The following KRTAP5-4 variants were observed in gnomAD, a reference collection of about 807,000 sequenced individuals.
The protein encoded by KRTAP5-4 is keratin-associated protein 5-4.
KRTAP5-4 carries 1 observed loss-of-function variant against 2.6 expected under a neutral mutation model. The ratio of observed to expected loss-of-function variants is 0.39; its 90% CI spans 0.14 to 1.85. The LOEUF (loss-of-function observed/expected upper bound fraction) is 1.85, where lower values mean the gene tolerates loss of function less well. KRTAP5-4 is among the 40% of genes most tolerant of loss of function. The pLI is 0.32. For synonymous variants in KRTAP5-4, 83 were observed against 113.1 expected (o/e 0.73, Z 1.69); for missense variants, 195 against 276.9 (o/e 0.70, Z 2.10).
rs754609586 is a variant in KRTAP5-4 at position 1,621,431 on chromosome 11, A to G, written c.663T>C (p.Pro221=). The G allele has an allele frequency of 2.4e-5, 39 of 1,614,094 alleles. No individual in the cohort carries two copies. Among genetic ancestry groups the G allele is most frequent in the African/African-American group, 4.0e-5 (3 of 74,932 alleles). ...PCCSQSSCCV[P]VCCQCKI ...CTCAGATCTTACACTGGCAGCACACAGGGACACAGCAACTAGACTGGGAGC... is the reference window on the plus strand; with the variant it reads ...CTCAGATCTTACACTGGCAGCACACGGGGACACAGCAACTAGACTGGGAGC... The change falls in exon 1 of 1, where the codon CCT becomes CCC. Residue 221 remains proline, a synonymous_variant. Coordinates refer to ENST00000399682, the MANE Select transcript of KRTAP5-4 (RefSeq NM_001347674.1).
At position 1,621,511 on chromosome 11, in the gene KRTAP5-4, A is replaced by T; in HGVS notation, c.583T>A (p.Ser195Thr). Residue 195 changes from serine to threonine, a missense_variant, in exon 1 of 1, where the codon TCC (serine) becomes ACC (threonine). By Grantham distance (58) the Ser-to-Thr change is moderately conservative. Transcript: ENST00000399682. ...CQSSCCKPCC[S>T]SSGCGSSCCQ... is the part of the protein sequence containing the mutation. ...CAGGATGACCCACAACCTGAGGAGG[A>T]GCAGCAGGGCTTACAGCAGCTGGAC... 1 of 1,613,506 alleles carries T rather than the reference A, an allele frequency of 6.2e-7. No individual in the cohort carries two copies. The highest frequency in any genetic ancestry group is 1.1e-5 in the South Asian group (1 of 90,914).
Position 1,621,342 on chromosome 11 carries a change from A to T in KRTAP5-4, c.*65T>A. 6.3e-7 allele frequency: 1 copy of T among 1,599,474 alleles called. No individual in the cohort carries two copies. Among genetic ancestry groups the T allele is most frequent in the Non-Finnish European group, 8.5e-7 (1 of 1,171,110 alleles). On this transcript the variant is annotated 3_prime_UTR_variant, in exon 1 of 1. Coordinates refer to ENST00000399682, the MANE Select transcript of KRTAP5-4 (RefSeq NM_001347674.1). ...AGCAATGATTTGGGGCTCAACAATG[A>T]AGGACAGGTCACAGCTTTGGAAGAC...
In KRTAP5-4 at chr11:1,621,732, C is replaced by T. The variant is rs1849604264; in HGVS notation, c.362G>A (p.Cys121Tyr). 3.1e-6 allele frequency: 5 copies of T among 1,605,444 alleles called. No individual in the cohort carries two copies. Among genetic ancestry groups the T allele is most frequent in the Non-Finnish European group, 2.6e-6 (3 of 1,176,106 alleles). ...TCCTTTGGAGCCCCCACAGGAGCCA[C>T]AGCCCCCCTTGGAACCCCCACAGGA... ...CGSCGGSKGG[C>Y]GSCGGSKGGC... The change falls in exon 1 of 1, where the codon TGT becomes TAT. Residue 121 changes from cysteine (C) to tyrosine (Y), a missense_variant. Physicochemically the swap from Cys to Tyr is radical, Grantham distance 194. Transcript: ENST00000399682.
rs1259813731 is a variant in KRTAP5-4, at chr11:1,621,723, C to T, written c.371G>A (p.Cys124Tyr). The change falls in exon 1 of 1, where the codon TGT (cysteine) becomes TAT (tyrosine). Residue 124 changes from cysteine (C) to tyrosine (Y), a missense_variant. Coordinates refer to ENST00000399682, the MANE Select transcript of KRTAP5-4 (RefSeq NM_001347674.1). ...CGGSKGGCGS[C>Y]GGSKGGCGSC... ...GCCACAGCCTCCTTTGGAGCCCCCA[C>T]AGGAGCCACAGCCCCCCTTGGAACC... is the stretch of plus-strand genomic sequence containing the variant. The T allele has an allele frequency of 2.5e-6, 4 of 1,606,426 alleles. No individual in the cohort carries two copies. The highest frequency in any genetic ancestry group is 2.3e-5 in the East Asian group (1 of 44,442).
At position 1,621,375 on chromosome 11, in the gene KRTAP5-4, G is replaced by T; in HGVS notation, c.*32C>A. The T allele has an allele frequency of 6.2e-7, 1 of 1,612,482 alleles. No individual in the cohort carries two copies. Among genetic ancestry groups the T allele is most frequent in the South Asian group, 1.1e-5 (1 of 90,948 alleles). On this transcript the variant is annotated 3_prime_UTR_variant, in exon 1 of 1. Transcript: ENST00000399682. ...GTCACAGCTTTGGAAGACAGGATTA[G>T]CAGGACTCACATGAGGCCTGAGTCC...
Position 1,621,188 on chromosome 11 carries a change from T to A in KRTAP5-4, c.*219A>T. ...GCGAGGCTAGTGGGTGAGGGGTGAT[T>A]CAGCTGCAATTGCAGTTGACTTGGG... On this transcript the variant is annotated 3_prime_UTR_variant, in exon 1 of 1. Transcript: ENST00000399682. 1 of 941,442 alleles carries A rather than the reference T, an allele frequency of 1.1e-6. No homozygotes were observed. Among genetic ancestry groups the A allele is most frequent in the Non-Finnish European group, 1.6e-6 (1 of 640,504 alleles). 58.3% of individuals were successfully genotyped at this position (941,442 alleles called of 1,614,324 possible).
rs764031266 is a variant in KRTAP5-4 at position 1,621,379 on chromosome 11, G to A, written c.*28C>T. 3 of 1,613,090 alleles carry A rather than the reference G, an allele frequency of 1.9e-6. No individual in the cohort carries two copies. The highest frequency in any genetic ancestry group is 1.7e-6 in the Non-Finnish European group (2 of 1,179,238). ...CAGCTTTGGAAGACAGGATTAGCAG[G>A]ACTCACATGAGGCCTGAGTCCAGAG... On this transcript the variant is annotated 3_prime_UTR_variant, in exon 1 of 1. Transcript: ENST00000399682.
Position 1,621,852 on chromosome 11 carries a change from T to A in KRTAP5-4, c.242A>T (p.Tyr81Phe), listed in dbSNP as rs1686789. The A allele has an allele frequency of 9.9e-6, 5 of 503,406 alleles. No individual in the cohort carries two copies. The highest frequency in any genetic ancestry group is 1.4e-5 in the Non-Finnish European group (5 of 365,782). 31.2% of individuals were successfully genotyped at this position (503,406 alleles called of 1,614,324 possible). Reference sequence around the variant, plus strand: ...CCCCTTGGAACCCCCACAAGAGCCATAGCCCCCCTTGGAGCCCCCACAGGA... The same window carrying A: ...CCCCTTGGAACCCCCACAAGAGCCAAAGCCCCCCTTGGAGCCCCCACAGGA... ...CGSCGGSKGG[Y>F]GSCGGSKGGC... Residue 81 changes from tyrosine to phenylalanine, a missense_variant, in exon 1 of 1, where the codon TAT becomes TTT. Coordinates refer to ENST00000399682, the MANE Select transcript of KRTAP5-4 (RefSeq NM_001347674.1).
At position 1,622,008 on chromosome 11, in the gene KRTAP5-4, C is replaced by G; in HGVS notation, c.86G>C (p.Gly29Ala). ...SGCGGCGSGC[G>A]GCGSGCGGCG... ...GCCCCCACAGCCGGAGCCACAGCCCCCACAGCCAGAGCCACAGCCCCCACA... is the reference window on the plus strand; with the variant it reads ...GCCCCCACAGCCGGAGCCACAGCCCGCACAGCCAGAGCCACAGCCCCCACA... Residue 29 changes from glycine (G) to alanine (A), a missense_variant, in exon 1 of 1, where the codon GGG (glycine) becomes GCG (alanine). Physicochemically the swap from Gly to Ala is moderately conservative, Grantham distance 60 (BLOSUM62 0). Transcript: ENST00000399682. 1 of 1,338,398 alleles carries G rather than the reference C, an allele frequency of 7.5e-7. No homozygotes were observed. The highest frequency in any genetic ancestry group is 1.0e-6 in the Non-Finnish European group (1 of 979,836). The allele number at this position is 1,338,398 out of a possible 1,614,324, so 82.9% of individuals were successfully genotyped here.
rs1192771449 is a variant in KRTAP5-4 at position 1,621,302 on chromosome 11, A to G, written c.*105T>C. On this transcript the variant is annotated 3_prime_UTR_variant, in exon 1 of 1. Transcript: ENST00000399682. Reference sequence around the variant, plus strand: ...GCCAGATATGGCATCGTTCTACAGCAGGGAATGGACCCTGAGCAATGATTT... The same window carrying G: ...GCCAGATATGGCATCGTTCTACAGCGGGGAATGGACCCTGAGCAATGATTT... 6.4e-7 allele frequency: 1 copy of G among 1,567,762 alleles called. No individual in the cohort carries two copies. The highest frequency in any genetic ancestry group is 1.4e-5 in the African/African-American group (1 of 74,022).
Position 1,621,089 on chromosome 11 carries a change from C to T in KRTAP5-4, c.*318G>A, listed in dbSNP as rs1564960384. 5 of 421,082 alleles carry T rather than the reference C, an allele frequency of 1.2e-5. No homozygotes were observed. Among genetic ancestry groups the T allele is most frequent in the African/African-American group, 1.0e-4 (5 of 49,652 alleles). 26.1% of individuals were successfully genotyped at this position (421,082 alleles called of 1,614,324 possible). A position where few individuals can be genotyped will look rare whatever the true frequency, so the allele number is the denominator to read the frequency against. On this transcript the variant is annotated 3_prime_UTR_variant, in exon 1 of 1. Coordinates refer to ENST00000399682, the MANE Select transcript of KRTAP5-4 (RefSeq NM_001347674.1). ...CTTGTTGCAGGTGGGACGCTTATGC[C>T]CAGCTGCTCCAGCTGGAAAAGACAG...
At position 1,621,475 on chromosome 11, in the gene KRTAP5-4, T is replaced by A; in HGVS notation, c.619A>T (p.Ser207Cys). Residue 207 changes from serine to cysteine, a missense_variant, in exon 1 of 1, where the codon AGT (serine) becomes TGT (cysteine). Coordinates refer to ENST00000399682, the MANE Select transcript of KRTAP5-4 (RefSeq NM_001347674.1). ...SGCGSSCCQSSCCNPCCSQSS... is the reference protein window; with the variant it reads ...SGCGSSCCQSCCCNPCCSQSS... ...TGGGAGCAGCAGGGATTGCAGCAAC[T>A]GGACTGGCAGCAGGATGACCCACAA... is the stretch of plus-strand genomic sequence containing the variant. 2 of 1,613,674 alleles carry A rather than the reference T, an allele frequency of 1.2e-6. No homozygotes were observed. Among genetic ancestry groups the A allele is most frequent in the East Asian group, 2.2e-5 (1 of 44,850 alleles).
At position 1,622,062 on chromosome 11, in the gene KRTAP5-4, C is replaced by T. The variant is rs762774238; in HGVS notation, c.32G>A (p.Gly11Asp). 5.0e-6 allele frequency: 8 copies of T among 1,609,450 alleles called. No individual in the cohort carries two copies. In the Middle Eastern group the frequency reaches 5.9e-4, roughly 118 times the overall value. The change falls in exon 1 of 1, where the codon GGC (glycine) becomes GAC (aspartate). Residue 11 changes from glycine (G) to aspartate (D), a missense_variant. By Grantham distance (94) the Gly-to-Asp change is moderately conservative. Transcript: ENST00000399682. ...GGAGCCACAGCCCCCACAGCCGGAGCCACAGCCTCCAGAGCAGCCACAGCA... is the reference window on the plus strand; with the variant it reads ...GGAGCCACAGCCCCCACAGCCGGAGTCACAGCCTCCAGAGCAGCCACAGCA... MGCCGCSGGC[G>D]SGCGGCGSGC...
At position 1,621,922 on chromosome 11, in the gene KRTAP5-4, G is replaced by C. The variant is rs775703883; in HGVS notation, c.172C>G (p.Pro58Ala). 2 of 1,604,542 alleles carry C rather than the reference G, an allele frequency of 1.2e-6. No individual in the cohort carries two copies. The highest frequency in any genetic ancestry group is 2.8e-5 in the African/African-American group (2 of 72,246). Residue 58 changes from proline to alanine, a missense_variant, in exon 1 of 1, where the codon CCT becomes GCT. Transcript: ENST00000399682. ...CAGGCTGGCACACAGCAGCACACAG[G>C]TTTGCAGCAGCAGATGGGCACACAG... ...SCCVPICCCK[P>A]VCCCVPACSC... is the part of the protein sequence containing the mutation.
In KRTAP5-4 at chr11:1,621,441, C is replaced by A. The variant is rs1312286858; in HGVS notation, c.653G>T (p.Cys218Phe). 3.7e-6 allele frequency: 6 copies of A among 1,614,074 alleles called. No individual in the cohort carries two copies. The highest frequency in any genetic ancestry group is 3.3e-5 in the Admixed American group (2 of 60,008). ...CCNPCCSQSS[C>F]CVPVCCQCKI ...ACACTGGCAGCACACAGGGACACAG[C>A]AACTAGACTGGGAGCAGCAGGGATT... The change falls in exon 1 of 1, where the codon TGC becomes TTC. Residue 218 changes from cysteine to phenylalanine, a missense_variant. Physicochemically the swap from Cys to Phe is radical, Grantham distance 205. Coordinates refer to ENST00000399682, the MANE Select transcript of KRTAP5-4 (RefSeq NM_001347674.1).
At position 1,621,288 on chromosome 11, in the gene KRTAP5-4, C is replaced by T; in HGVS notation, c.*119G>A. 6.5e-7 allele frequency: 1 copy of T among 1,539,650 alleles called. No homozygotes were observed. The highest frequency in any genetic ancestry group is 2.3e-5 in the East Asian group (1 of 44,152). On this transcript the variant is annotated 3_prime_UTR_variant, in exon 1 of 1. Transcript: ENST00000399682. ...CTTAGGAAAAGGCAGCCAGATATGGCATCGTTCTACAGCAGGGAATGGACC... is the reference window on the plus strand; with the variant it reads ...CTTAGGAAAAGGCAGCCAGATATGGTATCGTTCTACAGCAGGGAATGGACC...
rs1267925584 is a variant in KRTAP5-4 at position 1,621,499 on chromosome 11, A to C, written c.595T>G (p.Cys199Gly). The C allele has an allele frequency of 6.2e-7, 1 of 1,613,470 alleles. No individual in the cohort carries two copies. Among genetic ancestry groups the C allele is most frequent in the African/African-American group, 1.3e-5 (1 of 74,914 alleles). Reference sequence around the variant, plus strand: ...CTGGACTGGCAGCAGGATGACCCACAACCTGAGGAGGAGCAGCAGGGCTTA... The same window carrying C: ...CTGGACTGGCAGCAGGATGACCCACCACCTGAGGAGGAGCAGCAGGGCTTA... ...CCKPCCSSSG[C>G]GSSCCQSSCC... Residue 199 changes from cysteine to glycine, a missense_variant, in exon 1 of 1, where the codon TGT becomes GGT. By Grantham distance (159) the Cys-to-Gly change is radical (BLOSUM62 -3). Transcript: ENST00000399682.
Position 1,621,771 on chromosome 11 carries a change from T to A in KRTAP5-4, c.323A>T (p.Lys108Met). The change falls in exon 1 of 1, where the codon AAG becomes ATG. Residue 108 changes from lysine to methionine, a missense_variant. Physicochemically the swap from Lys to Met is moderately conservative, Grantham distance 95. Transcript: ENST00000399682. Reference sequence around the variant, plus strand: ...ACCCCCACAGGAGCCACAGCCCCCCTTGGAGCCCCCACAGGAGCCACAGCC... The same window carrying A: ...ACCCCCACAGGAGCCACAGCCCCCCATGGAGCCCCCACAGGAGCCACAGCC... ...KGGCGSCGGS[K>M]GGCGSCGGSK... The A allele has an allele frequency of 8.0e-7, 1 of 1,247,322 alleles. No individual in the cohort carries two copies. The highest frequency in any genetic ancestry group is 1.1e-6 in the Non-Finnish European group (1 of 950,230). 77.3% of individuals were successfully genotyped at this position (1,247,322 alleles called of 1,614,324 possible). A position where few individuals can be genotyped will look rare whatever the true frequency, so the allele number is the denominator to read the frequency against.
chr11:1,621,152 G>A lies in KRTAP5-4; in HGVS notation c.*255C>T. On this transcript the variant is annotated 3_prime_UTR_variant, in exon 1 of 1. Coordinates refer to ENST00000399682, the MANE Select transcript of KRTAP5-4 (RefSeq NM_001347674.1). ...GTTCAGGAGCTCAGGCCTCTGAAAA[G>A]ATGAGCAAAGGCGAGGCTAGTGGGT... 7.2e-6 allele frequency: 5 copies of A among 696,740 alleles called. No individual in the cohort carries two copies. The South Asian group carries it at 8.0e-5, about 11-fold the overall frequency. The allele number at this position is 696,740 out of a possible 1,614,324, so 43.2% of individuals were successfully genotyped here.
Sources: gnomAD v4.1 joint callset for allele counts on GRCh38, gnomAD v4.1.1 for gene constraint, MANE v1.5 for transcripts, NCBI Gene and HGNC (gene_info 2026-07-23, HGNC 2026-07-21) for gene names.